NCAM2: variants seen among roughly 807,000 people sequenced by gnomAD.
The protein encoded by NCAM2 is neural cell adhesion molecule 2.
In NCAM2, 30 loss-of-function variants were observed where a neutral mutation model predicts 98.1. The observed-to-expected ratio is 0.31, with a 90% CI of 0.23 to 0.41. The LOEUF (loss-of-function observed/expected upper bound fraction) is 0.41, where lower values mean the gene tolerates loss of function less well. Ranked by LOEUF, NCAM2 falls within the 10% of genes least tolerant of loss-of-function variation. The pLI, the probability that NCAM2 is intolerant of heterozygous loss-of-function variation, is 1.00. For synonymous variants in NCAM2, 368 were observed against 342.4 expected, an observed-to-expected ratio of 1.07 and a Z score of -0.83; for missense variants, 867 against 1,005.8, an observed-to-expected ratio of 0.86 and a Z score of 1.87.
intron 8 of NCAM2, among the ~76,000 whole-genome samples, chr21:21,358,285 A>T (rs1808078940): frequency 6.6e-6 from 1 of 152,104 alleles, no homozygotes; most frequent in South Asian, 2.1e-4. Context: ...GGAGCTGTAT[A>T]CAAGTAAACC....
chr21:21,372,122 AT>A (rs1176925539), intron 8 of NCAM2, among the ~76,000 whole-genome samples: 1 of 151,842 alleles, frequency 6.6e-6, no homozygotes, highest in Non-Finnish European at 1.5e-5. Context: ...ATAATGACAC[AT>A]TATATAATTT....
chr21:21,136,623 G>GGT (rs373375869), intron 1 of NCAM2, among the ~76,000 whole-genome samples: 1 of 55,750 alleles, frequency 1.8e-5, no homozygotes. Flanking sequence ...CACCACGCCT[G>GGT]TTTTTTGTTT....
At chr21:21,122,163 C>G (rs1420208021) in intron 1 of NCAM2, among the ~76,000 whole-genome samples, 2 of 4,202 alleles carry the variant, frequency 4.8e-4, no homozygotes, top group African/African-American at 6.1e-4. Flanking sequence ...TAAAGTCAAC[C>G]TTTTAACCGA....
chr21:21,508,567 C>T (rs1378220609), intron 15 of NCAM2, among the ~76,000 whole-genome samples: 1 of 151,362 alleles, frequency 6.6e-6, no homozygotes, highest in Non-Finnish European at 1.5e-5. Flanking sequence ...AGAAGAGGTA[C>T]TTAGACACTT....
In NCAM2 at chr21:21,169,832, C is replaced by T. The variant is rs573436078; in HGVS notation, c.56-110746C>T. Among the ~76,000 whole-genome samples, 3 of 152,106 alleles carry T rather than the reference C, an allele frequency of 2.0e-5. No homozygotes were observed. The East Asian group carries it at 5.8e-4, about 29-fold the overall frequency. ...AAGTAGCCTGATGTGGTGGTGCACA[C>T]CTTTAGTCCCAGCTACTCAGGAGTC... On this transcript the variant is annotated intron_variant, in intron 1 of 17. Coordinates refer to ENST00000400546, the MANE Select transcript of NCAM2 (RefSeq NM_004540.5).
rs17580878 is a variant in NCAM2, at chr21:21,107,778, T to C, written c.55+109160T>C. On this transcript the variant is annotated intron_variant, in intron 1 of 17. Transcript: ENST00000400546. The stretch of plus-strand genomic sequence containing the variant: ...GCATTTGTTATTGACTTGATTCTTA[T>C]CTGTTTGACACTACCCAGTGGATAT... Among the ~76,000 whole-genome samples the C allele has an allele frequency of 9.7e-3, 1,469 of 152,056 alleles. 20 individuals are homozygous for C. The highest frequency in any genetic ancestry group is 0.017 in the Admixed American group (256 of 15,282).
At chr21:21,493,883 T>C (rs1039203885) in intron 15 of NCAM2, among the ~76,000 whole-genome samples, 6 of 151,968 alleles carry the variant, frequency 3.9e-5, no homozygotes, top group African/African-American at 1.4e-4. Flanking sequence ...TTTTATAATT[T>C]GATAGCTGGT....
chr21:21,268,126 C>T (rs773397962), intron 1 of NCAM2, among the ~76,000 whole-genome samples: 1 of 152,106 alleles, frequency 6.6e-6, no homozygotes, highest in Non-Finnish European at 1.5e-5. Context: ...ACGCATGACT[C>T]GGTCTAAGTC....
Position 21,075,751 on chromosome 21 carries a change from C to T in NCAM2, c.55+77133C>T, listed in dbSNP as rs553040208. ...AAGTACATTTATTTCCTGGGTATGTCGAAATAAACATATAGTTTTTCTCCT... is the reference window on the plus strand; with the variant it reads ...AAGTACATTTATTTCCTGGGTATGTTGAAATAAACATATAGTTTTTCTCCT... On this transcript the variant is annotated intron_variant, in intron 1 of 17. Transcript: ENST00000400546. Among the ~76,000 whole-genome samples, 10 of 151,660 alleles carry T rather than the reference C, an allele frequency of 6.6e-5. No homozygotes were observed. In the South Asian group the frequency reaches 1.7e-3, roughly 26 times the overall value.
chr21:21,477,639 A>G (rs1202675732), intron 15 of NCAM2, among the ~76,000 whole-genome samples, 168 bp downstream of exon 15: 1 of 152,158 alleles, frequency 6.6e-6, no homozygotes. Context: ...CGCTCTTGCC[A>G]TAGGGTATTG....
intron 8 of NCAM2, among the ~76,000 whole-genome samples, chr21:21,345,477 G>A (rs574644378): frequency 1.3e-5 from 2 of 151,992 alleles, no homozygotes; most frequent in Admixed American, 1.3e-4. Context: ...GAAAAATGCA[G>A]CAGGCATATT....
At chr21:21,367,086 C>T (rs566904429) in intron 8 of NCAM2, among the ~76,000 whole-genome samples, 5 of 152,040 alleles carry the variant, frequency 3.3e-5, no homozygotes, top group Admixed American at 2.0e-4. Flanking sequence ...CATATTATAA[C>T]GCATTTTTAA....
intron 8 of NCAM2, among the ~76,000 whole-genome samples, chr21:21,365,238 C>CGTGTGTGTGTGTGT (rs66559489): frequency 0.024 from 3,575 of 146,958 alleles, 107 homozygotes; most frequent in Middle Eastern, 0.049. Context: ...TTGCTTAGTG[C>CGTGTGTGTGTGTGT]GTGTGTGTGT....
rs546368314 is a variant in NCAM2, at chr21:21,422,130, A to G, written c.1480+3561A>G. On this transcript the variant is annotated intron_variant, in intron 11 of 17. Transcript: ENST00000400546. ...GTGTTGGGATCCAGAGAGGGTAAAAAGAGTGCCCACTTGCCAAGACAGAAA... is the reference window on the plus strand; with the variant it reads ...GTGTTGGGATCCAGAGAGGGTAAAAGGAGTGCCCACTTGCCAAGACAGAAA... Among the ~76,000 whole-genome samples the G allele has an allele frequency of 4.2e-4, 64 of 152,294 alleles. No individual in the cohort carries two copies. In the South Asian group the frequency reaches 0.012, roughly 29 times the overall value.
chr21:21,324,581 G>T, intron 6 of NCAM2, 81 bp downstream of exon 6: 1 of 1,005,514 alleles, frequency 9.9e-7, no homozygotes. Flanking sequence ...AATCATTTTG[G>T]TAAAAAGCAA....
intron 5 of NCAM2, among the ~76,000 whole-genome samples, chr21:21,311,159 A>G (rs2074037533): frequency 6.6e-6 from 1 of 152,196 alleles, no homozygotes; most frequent in Non-Finnish European, 1.5e-5. Context: ...GGAGCTTTAT[A>G]TTAGTTTTAA....
In NCAM2 at chr21:21,538,017, T is replaced by G; in HGVS notation, c.*60T>G. ...AGAGTATTTGGATTGCGTGACCCTA[T>G]GACCAAAACTATTCCATTGACCTTA... On this transcript the variant is annotated 3_prime_UTR_variant, in exon 18 of 18. Transcript: ENST00000400546. 1.1e-6 allele frequency: 1 copy of G among 938,198 alleles called. No homozygotes were observed. The highest frequency in any genetic ancestry group is 2.8e-5 in the Admixed American group (1 of 35,724). 58.1% of individuals were successfully genotyped at this position (938,198 alleles called of 1,614,324 possible). A position where few individuals can be genotyped will look rare whatever the true frequency, so the allele number is the denominator to read the frequency against.
chr21:21,214,746 T>TATATATATATATATATACACAC (rs11268201), intron 1 of NCAM2, among the ~76,000 whole-genome samples: 8 of 100,604 alleles, frequency 8.0e-5, no homozygotes, highest in African/African-American at 1.6e-4. Flanking sequence ...TATATATATA[T>TATATATATATATATATACACAC]ACACTATATA....
intron 11 of NCAM2, among the ~76,000 whole-genome samples, chr21:21,430,611 C>T (rs964574165): frequency 4.6e-5 from 7 of 151,820 alleles, no homozygotes; most frequent in African/African-American, 1.2e-4. Context: ...TTTATAAAAA[C>T]GGGAAGAGCC....
Sources: allele counts gnomAD v4.1 joint callset (sites outside exome capture counted in the v4.1 genomes callset), GRCh38; gene constraint gnomAD v4.1.1; transcripts MANE v1.5; gene names NCBI Gene and HGNC (gene_info 2026-07-23, HGNC 2026-07-21).